Variants in NT5C3B observed in about 807,000 individuals in gnomAD.
NT5C3B encodes the protein 5'-nucleotidase, cytosolic IIIB, also known as 7-methylguanosine phosphate-specific 5'-nucleotidase.
A neutral mutation model predicts 32.5 loss-of-function variants in NT5C3B; 28 were observed. That is an observed-to-expected ratio of 0.86 (90% CI 0.64 to 1.18). The LOEUF is 1.18. Ranked by LOEUF, NT5C3B falls within the 50% of genes most tolerant of loss-of-function variation. NT5C3B has a pLI of 0.00. For missense variants in NT5C3B, 317 were observed against 322.0 expected, an observed-to-expected ratio of 0.98 and a Z score of 0.12; for synonymous variants, 138 against 118.0, an observed-to-expected ratio of 1.17 and a Z score of -1.10.
intron 4 of NT5C3B, among the ~76,000 whole-genome samples, chr17:41,833,619 T>C (rs2048089336): frequency 6.6e-6 from 1 of 152,140 alleles, no homozygotes; most frequent in South Asian, 2.1e-4. Context: ...ACACCCGGCC[T>C]GTTTCTTTAT....
chr17:41,827,081 C>A (rs1555618289), intron 8 of NT5C3B, among the ~76,000 whole-genome samples: 1 of 150,858 alleles, frequency 6.6e-6, no homozygotes, highest in Non-Finnish European at 1.5e-5. Context: ...CCAAGGCAGG[C>A]GGATCACGAG....
Position 41,825,468 on chromosome 17 carries a change from CTG to C in NT5C3B, c.*53_*54del. ...CTCTGTGTTCACGGGGGAGCAGACT[CTG>C]GGGAGGCGCCCCTCCTCACCACGGC... On this transcript the variant is annotated 3_prime_UTR_variant, in exon 9 of 9. Coordinates refer to ENST00000435506, the MANE Select transcript of NT5C3B (RefSeq NM_052935.5). The C allele has an allele frequency of 3.6e-6, 3 of 836,216 alleles. No homozygotes were observed. The South Asian group carries it at 4.1e-5, about 11-fold the overall frequency. 51.8% of individuals were successfully genotyped at this position (836,216 alleles called of 1,614,324 possible).
At chr17:41,834,377 G>A (rs1376010446) in intron 4 of NT5C3B, among the ~76,000 whole-genome samples, 4 of 122,326 alleles carry the variant, frequency 3.3e-5, no homozygotes, top group Admixed American at 1.9e-4. Flanking sequence ...GCAAGACTCT[G>A]TCTCAAAAAA....
intron 7 of NT5C3B, chr17:41,828,281 G>A (rs2047997682): frequency 6.4e-6 from 1 of 155,946 alleles, no homozygotes; most frequent in East Asian, 1.9e-4. Flanking sequence ...GTACCCCAGG[G>A]CAGAGAGTTG....
intron 6 of NT5C3B, among the ~76,000 whole-genome samples, chr17:41,829,771 G>A (rs1597919332): frequency 6.6e-6 from 1 of 152,130 alleles, no homozygotes; most frequent in Non-Finnish European, 1.5e-5. Flanking sequence ...TATGGATACA[G>A]CTGCCATGAA....
At chr17:41,830,362 G>A (rs551020447) in intron 6 of NT5C3B, among the ~76,000 whole-genome samples, 1 of 152,318 alleles carries the variant, frequency 6.6e-6, no homozygotes, top group South Asian at 2.1e-4. Flanking sequence ...ACAAAAATTA[G>A]CCGGGTGTGG....
chr17:41,836,022 C>A, intron 1 of NT5C3B, 65 bp from the exon 2 acceptor site: 1 of 1,454,724 alleles, frequency 6.9e-7, no homozygotes, highest in Non-Finnish European at 9.1e-7. Context: ...GAGCCCGGGG[C>A]TCGCTCGGGC....
At position 41,828,833 on chromosome 17, in the gene NT5C3B, G is replaced by A; in HGVS notation, c.524C>T (p.Pro175Leu). The A allele has an allele frequency of 1.2e-6, 2 of 1,614,002 alleles. No individual in the cohort carries two copies. The highest frequency in any genetic ancestry group is 1.7e-6 in the Non-Finnish European group (2 of 1,179,916). Residue 175 changes from proline to leucine, a missense_variant, in exon 7 of 9, where the codon CCC becomes CTC. Coordinates refer to ENST00000435506, the MANE Select transcript of NT5C3B (RefSeq NM_052935.5). ...GTAGTTAGACACGATGTGGATGTTG[G>A]GGTGGAACACTTTCATCTGTCGGAT... ...EIIRQMKVFH[P>L]NIHIVSNYMD...
rs4796712 is a variant in NT5C3B at position 41,830,878 on chromosome 17, T to C, written c.327A>G (p.Ala109=). The stretch of plus-strand genomic sequence containing the variant: ...TCTTCTGCTGACATAGGAGATTGTG[T>C]GCTTTGGTCCACCTAGAAACAGACA... ...LPHMVEWWTK[A]HNLLCQQKIQ... The change falls in exon 6 of 9, where the codon GCA becomes GCG. Residue 109 remains alanine, a synonymous_variant. Transcript: ENST00000435506. The C allele has an allele frequency of 0.91, 1,455,484 of 1,602,722 alleles. 661,584 individuals are homozygous for C. Among genetic ancestry groups the C allele is most frequent in the East Asian group, 1 (44,762 of 44,768 alleles).
At position 41,825,290 on chromosome 17, in the gene NT5C3B, C is replaced by T. The variant is rs964306033; in HGVS notation, c.*233G>A. ...CCTGGAGTAGACAATCCCTAGAGCA[C>T]TGACATGCTGTGGTCCAAGGTTCAC... On this transcript the variant is annotated 3_prime_UTR_variant, in exon 9 of 9. Coordinates refer to ENST00000435506, the MANE Select transcript of NT5C3B (RefSeq NM_052935.5). The T allele has an allele frequency of 8.5e-5, 42 of 496,388 alleles. No homozygotes were observed. Among genetic ancestry groups the T allele is most frequent in the Non-Finnish European group, 7.5e-5 (21 of 278,878 alleles). The allele number at this position is 496,388 out of a possible 1,614,324, so 30.7% of individuals were successfully genotyped here.
chr17:41,835,437 A>C, intron 2 of NT5C3B, 165 bp from the exon 3 acceptor site: 1 of 664,762 alleles, frequency 1.5e-6, no homozygotes, highest in South Asian at 1.8e-5. Flanking sequence ...AGGGGAAGTG[A>C]TCCTAATTAG....
chr17:41,831,214 G>T (rs782498525), intron 5 of NT5C3B, among the ~76,000 whole-genome samples: 8 of 151,946 alleles, frequency 5.3e-5, no homozygotes, highest in African/African-American at 1.2e-4. Flanking sequence ...AGCTACTTGG[G>T]AGGCTGAGGC....
chr17:41,826,599 C>T lies in NT5C3B; in HGVS notation c.768+827G>A, dbSNP rs558522434. ...AGTGCAGTGGCGCAATCTCAGCTCACCCAGGAGATGGAGGTTGCAGGGAGC... is the reference window on the plus strand; with the variant it reads ...AGTGCAGTGGCGCAATCTCAGCTCATCCAGGAGATGGAGGTTGCAGGGAGC... On this transcript the variant is annotated intron_variant, in intron 8 of 8. Coordinates refer to ENST00000435506, the MANE Select transcript of NT5C3B (RefSeq NM_052935.5). Among the ~76,000 whole-genome samples the T allele has an allele frequency of 6.7e-4, 102 of 152,146 alleles. 1 individual carries two copies. The highest frequency in any genetic ancestry group is 3.4e-3 in the Middle Eastern group (1 of 294).
rs1555618940 is a variant in NT5C3B, at chr17:41,830,900, G to T, written c.315-10C>A. On this transcript the variant is annotated splice_polypyrimidine_tract_variant and intron_variant, in intron 5 of 8. Coordinates refer to ENST00000435506, the MANE Select transcript of NT5C3B (RefSeq NM_052935.5). ...GTGTGCTTTGGTCCACCTAGAAACA[G>T]ACACCCCAGAAAACCCCAAATTCAA... 1 of 1,563,588 alleles carries T rather than the reference G, an allele frequency of 6.4e-7. No homozygotes were observed. Among genetic ancestry groups the T allele is most frequent in the South Asian group, 1.1e-5 (1 of 89,516 alleles).
At chr17:41,835,345 A>G in intron 2 of NT5C3B, 73 bp from the exon 3 acceptor site, 2 of 1,303,212 alleles carry the variant, frequency 1.5e-6, no homozygotes, top group Non-Finnish European at 2.2e-6. Flanking sequence ...AGCCTGGGGG[A>G]TGATTATGGA....
At chr17:41,835,770 C>T (rs1277918012) in intron 2 of NT5C3B, 89 bp downstream of exon 2, 4 of 1,290,494 alleles carry the variant, frequency 3.1e-6, no homozygotes, top group South Asian at 2.5e-5. Context: ...AGGAGGGGTC[C>T]GCGGCAGAGC....
At chr17:41,827,207 G>A (rs1372340992) in intron 8 of NT5C3B, among the ~76,000 whole-genome samples, 3 of 151,824 alleles carry the variant, frequency 2.0e-5, no homozygotes, top group Non-Finnish European at 4.4e-5. Context: ...TTGGGAGCCA[G>A]AGGCTCCCGT....
At chr17:41,826,263 G>A (rs2144084413) in intron 8 of NT5C3B, among the ~76,000 whole-genome samples, 1 of 151,810 alleles carries the variant, frequency 6.6e-6, no homozygotes, top group East Asian at 1.9e-4. Flanking sequence ...TCACTCTGCT[G>A]CGTAGGCTGA....
intron 2 of NT5C3B, 100 bp downstream of exon 2, chr17:41,835,759 T>G: frequency 8.3e-7 from 1 of 1,211,922 alleles, no homozygotes; most frequent in East Asian, 2.5e-5. Context: ...GGCAGAGAGC[T>G]AGGAGGGGTC....
Sources: gnomAD v4.1 joint callset for allele counts (sites outside exome capture counted in the v4.1 genomes callset) on GRCh38, gnomAD v4.1.1 for gene constraint, MANE v1.5 for transcripts, NCBI Gene and HGNC (gene_info 2026-07-23, HGNC 2026-07-21) for gene names.